The following PHYHIPL variants were observed in gnomAD, a reference collection of about 807,000 sequenced individuals.
The protein encoded by PHYHIPL is phytanoyl-CoA 2-hydroxylase interacting protein like.
PHYHIPL carries 9 observed loss-of-function variants against 33.4 expected under a neutral mutation model. The ratio of observed to expected loss-of-function variants is 0.27; its 90% CI spans 0.16 to 0.47. PHYHIPL has a LOEUF of 0.47. PHYHIPL is among the 20% of genes least tolerant of loss of function. The pLI, the probability that PHYHIPL is intolerant of heterozygous loss-of-function variation, is 0.99. For missense variants in PHYHIPL, 365 were observed against 460.7 expected, an observed-to-expected ratio of 0.79 and a Z score of 1.90; for synonymous variants, 153 against 154.1, an observed-to-expected ratio of 0.99 and a Z score of 0.05.
intron 1 of PHYHIPL, among the ~76,000 whole-genome samples, chr10:59,188,099 A>G (rs1838668112): frequency 6.6e-6 from 1 of 151,498 alleles, no homozygotes; most frequent in African/African-American, 2.4e-5. Context: ...TCTTGTGGGC[A>G]TTTAGTGCTA....
chr10:59,235,102 T>C (rs2133287161), intron 2 of PHYHIPL, among the ~76,000 whole-genome samples: 1 of 151,272 alleles, frequency 6.6e-6, no homozygotes, highest in African/African-American at 2.4e-5. Context: ...AGGAATCTGA[T>C]GCAGTTTATA....
chr10:59,236,728 C>CT (rs1203207480), intron 3 of PHYHIPL, 71 bp downstream of exon 3: 2 of 1,325,624 alleles, frequency 1.5e-6, no homozygotes, highest in Non-Finnish European at 2.0e-6. Context: ...AAAAATATTT[C>CT]TTTTTTGTAA....
chr10:59,210,226 T>A (rs751538329), intron 1 of PHYHIPL, among the ~76,000 whole-genome samples: 3 of 151,952 alleles, frequency 2.0e-5, no homozygotes, highest in Non-Finnish European at 2.9e-5. Context: ...CTCAAACAAA[T>A]TTACAAGAAA....
At chr10:59,186,014 GGT>G (rs1838589692) in intron 1 of PHYHIPL, among the ~76,000 whole-genome samples, 1 of 152,048 alleles carries the variant, frequency 6.6e-6, no homozygotes, top group Non-Finnish European at 1.5e-5. Flanking sequence ...CATTGCTTTT[GGT>G]GTTTTAGACA....
chr10:59,177,034 C>A, intron 1 of PHYHIPL, 75 bp downstream of exon 1: 1 of 1,305,924 alleles, frequency 7.7e-7, no homozygotes, highest in Non-Finnish European at 1.1e-6. Context: ...GCTCCGCCGA[C>A]GCCGCTCGCC....
At chr10:59,179,211 A>T (rs1181052048) in intron 1 of PHYHIPL, among the ~76,000 whole-genome samples, 1 of 152,172 alleles carries the variant, frequency 6.6e-6, no homozygotes, top group Non-Finnish European at 1.5e-5. Flanking sequence ...TAAATTTGTC[A>T]AACAGACCTT....
chr10:59,244,911 C>A, intron 4 of PHYHIPL, 146 bp from the exon 5 acceptor site: 2 of 790,948 alleles, frequency 2.5e-6, no homozygotes, highest in Admixed American at 3.2e-5. Flanking sequence ...GGTAATATGT[C>A]AAAAGATGTT....
intron 1 of PHYHIPL, among the ~76,000 whole-genome samples, chr10:59,200,825 A>G (rs1351275244): frequency 1.3e-5 from 2 of 151,930 alleles, no homozygotes; most frequent in African/African-American, 4.8e-5. Context: ...TTTCTCCTAG[A>G]TTTTCGAGTT....
At chr10:59,219,322 T>G in intron 1 of PHYHIPL, 20 of 682,004 alleles carry the variant, frequency 2.9e-5, no homozygotes, top group Non-Finnish European at 3.6e-5. Flanking sequence ...GATATTTATA[T>G]TCTGTGATAT....
chr10:59,236,559 G>T lies in PHYHIPL; in HGVS notation c.380G>T (p.Arg127Ile). 1 of 1,611,416 alleles carries T rather than the reference G, an allele frequency of 6.2e-7. No individual in the cohort carries two copies. The highest frequency in any genetic ancestry group is 1.1e-5 in the South Asian group (1 of 90,796). The change falls in exon 3 of 5, where the codon AGA becomes ATA. Residue 127 changes from arginine (R) to isoleucine (I), a missense_variant. Transcript: ENST00000373880. ...CGTGGACACTGGTTTTTAAGCCCAA[G>T]AACTGAATATACAGTAGCAGTGCAG... Reference protein sequence around the residue: ...TVRGHWFLSPRTEYTVAVQTA... With the variant: ...TVRGHWFLSPITEYTVAVQTA...
At chr10:59,193,616 C>A (rs1432699473) in intron 1 of PHYHIPL, among the ~76,000 whole-genome samples, 1 of 152,104 alleles carries the variant, frequency 6.6e-6, no homozygotes, top group Non-Finnish European at 1.5e-5. Flanking sequence ...AAGACATAGT[C>A]TCTTTTTTTA....
chr10:59,189,897 A>T (rs527958151), intron 1 of PHYHIPL, among the ~76,000 whole-genome samples: 1 of 151,970 alleles, frequency 6.6e-6, no homozygotes, highest in African/African-American at 2.4e-5. Flanking sequence ...AATGCATAGC[A>T]TTTGGTATTG....
Position 59,192,586 on chromosome 10 carries a change from C to T in PHYHIPL, c.106+15627C>T, listed in dbSNP as rs150603769. 3.2e-3 allele frequency among the ~76,000 whole-genome samples: 484 copies of T among 152,116 alleles called. 2 individuals are homozygous for T. The highest frequency in any genetic ancestry group is 0.011 in the African/African-American group (445 of 41,520). The stretch of plus-strand genomic sequence containing the variant: ...TTCTGACATCCATTGGATGAATGAA[C>T]TGGGATATTGAACTCAAGAGAGTGT... On this transcript the variant is annotated intron_variant, in intron 1 of 4. Coordinates refer to ENST00000373880, the MANE Select transcript of PHYHIPL (RefSeq NM_032439.4).
intron 1 of PHYHIPL, among the ~76,000 whole-genome samples, chr10:59,193,148 T>A (rs1399815940): frequency 1.3e-5 from 2 of 152,152 alleles, no homozygotes; most frequent in African/African-American, 4.8e-5. Context: ...ATGCCTTTTG[T>A]GTACATGTGT....
At chr10:59,200,940 TTC>T (rs1296236976) in intron 1 of PHYHIPL, among the ~76,000 whole-genome samples, 3 of 152,184 alleles carry the variant, frequency 2.0e-5, no homozygotes, top group African/African-American at 4.8e-5. Context: ...TATTTGATTC[TTC>T]TCTCTTTTCT....
chr10:59,220,516 CTAA>C (rs1206569719), intron 1 of PHYHIPL, among the ~76,000 whole-genome samples: 1 of 151,938 alleles, frequency 6.6e-6, no homozygotes, highest in Non-Finnish European at 1.5e-5. Context: ...ATACTGCTAA[CTAA>C]TAATAATAAA....
intron 1 of PHYHIPL, chr10:59,177,435 C>A (rs1838284487): frequency 6.7e-7 from 1 of 1,491,842 alleles, no homozygotes; most frequent in South Asian, 1.4e-5. Context: ...TCAGACTCCC[C>A]AAATTAACAA....
At position 59,196,815 on chromosome 10, in the gene PHYHIPL, C is replaced by T. The variant is rs77712107; in HGVS notation, c.106+19856C>T. On this transcript the variant is annotated intron_variant, in intron 1 of 4. Coordinates refer to ENST00000373880, the MANE Select transcript of PHYHIPL (RefSeq NM_032439.4). ...CTATTTTTGTACGTCTTGCTTTACA[C>T]AGCAAGGTATATCTGTAATAAATAA... Among the ~76,000 whole-genome samples the T allele has an allele frequency of 4.1e-3, 628 of 152,276 alleles. 6 individuals carry two copies. The highest frequency in any genetic ancestry group is 0.011 in the African/African-American group (473 of 41,550).
intron 1 of PHYHIPL, among the ~76,000 whole-genome samples, chr10:59,211,934 G>A (rs1482887840): frequency 6.6e-6 from 1 of 152,110 alleles, no homozygotes; most frequent in Non-Finnish European, 1.5e-5. Context: ...AACTGATGTT[G>A]GAACTTAATC....
Sources: gnomAD v4.1 joint callset for allele counts (sites outside exome capture counted in the v4.1 genomes callset) on GRCh38, gnomAD v4.1.1 for gene constraint, MANE v1.5 for transcripts, NCBI Gene and HGNC (gene_info 2026-07-23, HGNC 2026-07-21) for gene names.